The following CSMD1 variants were observed in gnomAD, a reference collection of about 807,000 sequenced individuals.
The protein encoded by CSMD1 is CUB and sushi domain-containing protein 1.
CSMD1 carries 213 observed loss-of-function variants against 417.5 expected under a neutral mutation model. The ratio of observed to expected loss-of-function variants is 0.51; its 90% CI spans 0.46 to 0.57. The LOEUF is 0.57. CSMD1 is among the 20% of genes least tolerant of loss of function. CSMD1 has a pLI of 0.00. For synonymous variants in CSMD1, 2,862 were observed against 1,736.8 expected, an observed-to-expected ratio of 1.65 and a Z score of -16.11; for missense variants, 6,923 against 4,529.7, an observed-to-expected ratio of 1.53 and a Z score of -15.17.
At chr8:3,369,101 C>T (rs1342258171) in intron 19 of CSMD1, among the ~76,000 whole-genome samples, 153 bp downstream of exon 19, 1 of 152,126 alleles carries the variant, frequency 6.6e-6, no homozygotes, top group African/African-American at 2.4e-5. Flanking sequence ...ATTGTTCTTC[C>T]AAAATCTTAT....
chr8:3,780,026 T>A (rs764309361), intron 5 of CSMD1, among the ~76,000 whole-genome samples: 4 of 152,230 alleles, frequency 2.6e-5, no homozygotes, highest in Non-Finnish European at 5.9e-5. Context: ...GTTCCTGGTA[T>A]TCACACTCTA....
intron 3 of CSMD1, among the ~76,000 whole-genome samples, chr8:4,082,682 C>T (rs969546821): frequency 5.9e-5 from 9 of 151,746 alleles, no homozygotes; most frequent in African/African-American, 9.7e-5. Context: ...GTTACATATG[C>T]ATACATGTGC....
intron 3 of CSMD1, among the ~76,000 whole-genome samples, chr8:4,168,352 C>T (rs1647296): frequency 0.98 from 149,021 of 152,078 alleles, 73,091 homozygotes; most frequent in Middle Eastern, 1. Context: ...TCCTTGATTG[C>T]GCCACTGTAC....
intron 10 of CSMD1, among the ~76,000 whole-genome samples, chr8:3,544,442 C>G (rs115220162): frequency 0.014 from 2,173 of 152,062 alleles, 57 homozygotes; most frequent in African/African-American, 0.05. Flanking sequence ...CTTTCTCTTA[C>G]TCTCGGGAAC....
intron 1 of CSMD1, among the ~76,000 whole-genome samples, chr8:4,814,231 C>T (rs192222923): frequency 8.6e-5 from 13 of 151,962 alleles, no homozygotes; most frequent in African/African-American, 2.7e-4. Flanking sequence ...TGTGCGTGTG[C>T]GCATGTGCGC....
chr8:3,036,077 C>T (rs543870430), intron 50 of CSMD1, among the ~76,000 whole-genome samples: 2 of 152,266 alleles, frequency 1.3e-5, no homozygotes, highest in African/African-American at 2.4e-5. Flanking sequence ...ATATATAGTC[C>T]TGTGCATAAA....
At chr8:3,808,692 C>T (rs917852544) in intron 5 of CSMD1, among the ~76,000 whole-genome samples, 16 of 152,172 alleles carry the variant, frequency 1.1e-4, no homozygotes, top group African/African-American at 2.9e-4. Context: ...AGGTTTGGCA[C>T]TCTAGAAGTT....
chr8:4,102,029 T>C (rs575475628), intron 3 of CSMD1, among the ~76,000 whole-genome samples: 250 of 152,336 alleles, frequency 1.6e-3, no homozygotes, highest in African/African-American at 5.8e-3. Context: ...GTCACAGATA[T>C]GCAGAAATCC....
intron 5 of CSMD1, among the ~76,000 whole-genome samples, chr8:3,838,365 G>C (rs984807276): frequency 6.6e-6 from 1 of 150,936 alleles, no homozygotes; most frequent in African/African-American, 2.4e-5. Flanking sequence ...GTGAGACACT[G>C]TCTCTACTAT....
chr8:3,800,965 C>G (rs1398382944), intron 5 of CSMD1, among the ~76,000 whole-genome samples: 1 of 151,740 alleles, frequency 6.6e-6, no homozygotes, highest in African/African-American at 2.4e-5. Flanking sequence ...TATCACAACA[C>G]AAAACAGACT....
At chr8:3,622,631 C>G (rs1012527403) in intron 7 of CSMD1, among the ~76,000 whole-genome samples, 1 of 152,136 alleles carries the variant, frequency 6.6e-6, no homozygotes, top group Admixed American at 6.5e-5. Flanking sequence ...GAATGGATTG[C>G]AGATGGTAGA....
At chr8:3,902,269 A>G (rs1807805145) in intron 5 of CSMD1, among the ~76,000 whole-genome samples, 1 of 152,130 alleles carries the variant, frequency 6.6e-6, no homozygotes, top group South Asian at 2.1e-4. Context: ...CCATTGATTA[A>G]GTCATGCCCT....
chr8:4,409,682 G>A (rs1485089492), intron 3 of CSMD1, among the ~76,000 whole-genome samples: 3 of 143,332 alleles, frequency 2.1e-5, no homozygotes, highest in Admixed American at 7.2e-5. Context: ...ACCAGATAAA[G>A]AGACAAAGCA....
intron 50 of CSMD1, 96 bp from the exon 51 acceptor site, chr8:3,029,609 G>A: frequency 9.4e-7 from 1 of 1,062,490 alleles, no homozygotes; most frequent in Non-Finnish European, 1.4e-6. Context: ...ATATGAAACT[G>A]ATCTTGTTTG....
At chr8:3,234,254 T>C (rs1323210830) in intron 26 of CSMD1, among the ~76,000 whole-genome samples, 1 of 152,176 alleles carries the variant, frequency 6.6e-6, no homozygotes, top group Non-Finnish European at 1.5e-5. Flanking sequence ...GCAGGTTCAA[T>C]GACACAATTT....
Position 4,653,926 on chromosome 8 carries a change from A to G in CSMD1, c.86-16368T>C, listed in dbSNP as rs139392133. ...CTCAGTAGTCATTTTTTTTTAACCAAAGTATAATATCACAGAGGATATTTT... is the reference window on the plus strand; with the variant it reads ...CTCAGTAGTCATTTTTTTTTAACCAGAGTATAATATCACAGAGGATATTTT... On this transcript the variant is annotated intron_variant, in intron 1 of 69. Transcript: ENST00000635120. Among the ~76,000 whole-genome samples, 176 of 152,130 alleles carry G rather than the reference A, an allele frequency of 1.2e-3. 1 individual carries two copies. Among genetic ancestry groups the G allele is most frequent in the African/African-American group, 4.2e-3 (174 of 41,450 alleles).
intron 2 of CSMD1, among the ~76,000 whole-genome samples, chr8:4,527,927 G>A (rs1246686488): frequency 1.3e-5 from 2 of 152,152 alleles, no homozygotes; most frequent in African/African-American, 2.4e-5. Context: ...CCTGCTTCCT[G>A]AGGGTGTGCT....
intron 8 of CSMD1, among the ~76,000 whole-genome samples, chr8:3,593,910 T>C (rs1800972211): frequency 6.6e-6 from 1 of 152,200 alleles, no homozygotes; most frequent in Non-Finnish European, 1.5e-5. Flanking sequence ...ACACTGCTTT[T>C]TCCCAATACG....
intron 26 of CSMD1, among the ~76,000 whole-genome samples, chr8:3,269,140 A>T (rs993665744): frequency 6.6e-6 from 1 of 152,216 alleles, no homozygotes; most frequent in African/African-American, 2.4e-5. Context: ...CTTACTTTCA[A>T]TCAATTCAAC....
Sources: gnomAD v4.1 joint callset for allele counts (sites outside exome capture counted in the v4.1 genomes callset) on GRCh38, gnomAD v4.1.1 for gene constraint, MANE v1.5 for transcripts, NCBI Gene and HGNC (gene_info 2026-07-23, HGNC 2026-07-21) for gene names.